RAB38: variants seen among roughly 807,000 people sequenced by gnomAD.
RAB38 encodes the protein ras-related protein Rab-38.
A neutral mutation model predicts 18.4 loss-of-function variants in RAB38; 15 were observed. That is an observed-to-expected ratio of 0.82 (90% CI 0.55 to 1.26). The LOEUF (loss-of-function observed/expected upper bound fraction) is 1.26, where lower values mean the gene tolerates loss of function less well. RAB38 is among the 50% of genes most tolerant of loss of function. The pLI is 0.00. For synonymous variants in RAB38, 101 were observed against 104.4 expected (o/e 0.97, Z 0.20); for missense variants, 294 against 267.4 (o/e 1.10, Z -0.69).
chr11:88,048,514 T>A, the RAB38 span, among the ~76,000 whole-genome samples: 2 of 151,942 alleles, frequency 1.3e-5, no homozygotes, highest in South Asian at 2.1e-4. Context: ...GGACAGTACT[T>A]TTACCTCTTT....
chr11:87,814,740 CT>C, the RAB38 span, among the ~76,000 whole-genome samples: 38 of 146,606 alleles, frequency 2.6e-4, no homozygotes, highest in Admixed American at 2.7e-4. Flanking sequence ...TTTTCTTTTT[CT>C]TTTTTTTTTT....
intron 1 of RAB38, chr11:88,174,107 T>A (rs1005560715): frequency 4.2e-5 from 41 of 983,926 alleles, no homozygotes; most frequent in Non-Finnish European, 4.9e-5. Context: ...CAGAGGACTT[T>A]AAAACTTCTG....
chr11:88,114,133 A>C lies in RAB38; in HGVS notation c.491T>G (p.Ile164Arg), dbSNP rs749611534. ...GCATCTGGAGGCTTCATCAATGTTT[A>C]TATTTTCCTATGAGGGAAAAAATAA... is the stretch of plus-strand genomic sequence containing the variant. ...GWFETSAKEN[I>R]NIDEASRCLV... The change falls in exon 3 of 3, where the codon ATA (isoleucine) becomes AGA (arginine). Residue 164 changes from isoleucine to arginine, a missense_variant. By Grantham distance (97) the Ile-to-Arg change is moderately conservative. Transcript: ENST00000243662. 1.2e-6 allele frequency: 2 copies of C among 1,613,984 alleles called. No homozygotes were observed. Among genetic ancestry groups the C allele is most frequent in the African/African-American group, 2.7e-5 (2 of 74,944 alleles).
the RAB38 span, among the ~76,000 whole-genome samples, chr11:87,825,006 GTGTGTA>G: frequency 5.9e-5 from 9 of 152,138 alleles, no homozygotes; most frequent in South Asian, 1.9e-3. Context: ...GAGTGTGTGT[GTGTGTA>G]TGTGTGTGTG....
chr11:88,129,072 T>A (rs1023874663), intron 2 of RAB38, among the ~76,000 whole-genome samples: 4 of 152,188 alleles, frequency 2.6e-5, no homozygotes, highest in African/African-American at 9.6e-5. Context: ...TAGATAGACA[T>A]AAGCAATGCA....
the RAB38 span, among the ~76,000 whole-genome samples, chr11:87,970,249 AAATC>A: frequency 6.6e-6 from 1 of 152,104 alleles, no homozygotes; most frequent in Non-Finnish European, 1.5e-5. Flanking sequence ...AATGCAAAAT[AAATC>A]CATAAAGAAC....
At chr11:88,156,685 G>C (rs905657343) in intron 1 of RAB38, among the ~76,000 whole-genome samples, 13 of 151,156 alleles carry the variant, frequency 8.6e-5, no homozygotes, top group African/African-American at 3.2e-4. Context: ...CTGGGCGACA[G>C]AGCAAGACTT....
At chr11:88,164,986 A>C (rs1474467271) in intron 1 of RAB38, among the ~76,000 whole-genome samples, 1 of 152,144 alleles carries the variant, frequency 6.6e-6, no homozygotes, top group African/African-American at 2.4e-5. Context: ...CCTGCCTAAA[A>C]GTAGTATATG....
chr11:87,882,396 A>G, the RAB38 span, among the ~76,000 whole-genome samples: 1 of 151,964 alleles, frequency 6.6e-6, no homozygotes, highest in African/African-American at 2.4e-5. Context: ...GCGCCCCATC[A>G]GTTCTTATAC....
the RAB38 span, among the ~76,000 whole-genome samples, chr11:87,901,298 C>A: frequency 2.0e-5 from 3 of 151,402 alleles, no homozygotes; most frequent in East Asian, 2.0e-4. Context: ...ATAGGGCAGG[C>A]GTATAATATG....
the RAB38 span, among the ~76,000 whole-genome samples, chr11:87,851,215 T>C: frequency 6.6e-6 from 1 of 152,198 alleles, no homozygotes; most frequent in Non-Finnish European, 1.5e-5. Context: ...GGACATTTAT[T>C]TGATAGCCTT....
chr11:88,063,952 T>A, the RAB38 span, among the ~76,000 whole-genome samples: 1 of 152,224 alleles, frequency 6.6e-6, no homozygotes. Flanking sequence ...ATATGCTTAG[T>A]GGGATTTCAC....
At position 88,160,281 on chromosome 11, in the gene RAB38, T is replaced by G. The variant is rs1943174442; in HGVS notation, c.203-10326A>C. On this transcript the variant is annotated intron_variant, in intron 1 of 2. Coordinates refer to ENST00000243662, the MANE Select transcript of RAB38 (RefSeq NM_022337.3). ...ATCAAAACTACTATTTGATACCATC[T>G]CACACCAGTCAGAATGGTTTACCAT... Among the ~76,000 whole-genome samples, 3 of 152,062 alleles carry G rather than the reference T, an allele frequency of 2.0e-5. No homozygotes were observed. In the South Asian group the frequency reaches 6.2e-4, roughly 32 times the overall value.
At chr11:87,924,794 C>T in the RAB38 span, among the ~76,000 whole-genome samples, 1 of 151,994 alleles carries the variant, frequency 6.6e-6, no homozygotes, top group African/African-American at 2.4e-5. Context: ...AGGCAAGGCT[C>T]AAACCAATGC....
intron 2 of RAB38, among the ~76,000 whole-genome samples, chr11:88,143,168 A>G (rs1565215257): frequency 6.6e-6 from 1 of 152,226 alleles, no homozygotes; most frequent in South Asian, 2.1e-4. Flanking sequence ...TTAGCTAGTC[A>G]CTCTCTAATT....
the RAB38 span, among the ~76,000 whole-genome samples, chr11:88,082,443 T>C: frequency 1.3e-5 from 2 of 151,818 alleles, no homozygotes; most frequent in African/African-American, 2.4e-5. Context: ...CATTGGGAAG[T>C]AAACACTGTC....
the RAB38 span, among the ~76,000 whole-genome samples, chr11:87,973,375 C>T: frequency 5.9e-5 from 9 of 152,148 alleles, 1 homozygote; most frequent in Admixed American, 5.9e-4. Flanking sequence ...ATGCAAATAA[C>T]TCTGAAGTGG....
intron 2 of RAB38, among the ~76,000 whole-genome samples, chr11:88,129,473 T>G (rs2134792609): frequency 6.6e-6 from 1 of 152,234 alleles, no homozygotes. Context: ...AAACCCTGTC[T>G]CTACTAAAAA....
chr11:88,039,790 T>G, the RAB38 span, among the ~76,000 whole-genome samples: 3 of 152,146 alleles, frequency 2.0e-5, no homozygotes, highest in Non-Finnish European at 4.4e-5. Flanking sequence ...GGGCCTTAAA[T>G]GTAGAGTAAA....
Sources: gnomAD v4.1 joint callset for allele counts (sites outside exome capture counted in the v4.1 genomes callset) on GRCh38, gnomAD v4.1.1 for gene constraint, MANE v1.5 for transcripts, NCBI Gene and HGNC (gene_info 2026-07-23, HGNC 2026-07-21) for gene names.